Variants in TXNDC9 observed in about 807,000 individuals in gnomAD.
The protein encoded by TXNDC9 is thioredoxin domain containing 9.
A neutral mutation model predicts 23.0 loss-of-function variants in TXNDC9; 7 were observed. The observed-to-expected ratio is 0.30, with a 90% CI of 0.17 to 0.57. TXNDC9 has a LOEUF of 0.57. TXNDC9 is among the 20% of genes least tolerant of loss of function. The probability of loss-of-function intolerance (pLI) is 0.90; values close to 1 mark genes in which losing one functional copy is unlikely to be tolerated. For synonymous variants in TXNDC9, 72 were observed against 90.6 expected (o/e 0.79, Z 1.17); for missense variants, 198 against 252.6 (o/e 0.78, Z 1.47).
intron 3 of TXNDC9, 109 bp from the exon 4 acceptor site, chr2:99,322,318 A>G (rs756279394): frequency 4.2e-6 from 6 of 1,422,660 alleles, no homozygotes; most frequent in Non-Finnish European, 5.6e-6. Flanking sequence ...GTTGACTCTC[A>G]TAACATGGCA....
chr2:99,329,893 G>A (rs1168098897), intron 2 of TXNDC9, among the ~76,000 whole-genome samples: 7 of 152,018 alleles, frequency 4.6e-5, no homozygotes, highest in African/African-American at 1.4e-4. Context: ...CTTGAACTCC[G>A]AAGGCGGAGG....
chr2:99,325,605 ACTATG>A (rs2105322287), intron 3 of TXNDC9, among the ~76,000 whole-genome samples: 1 of 152,350 alleles, frequency 6.6e-6, no homozygotes, highest in Admixed American at 6.5e-5. Context: ...TTGACCACCT[ACTATG>A]CGTCAGGCAG....
At chr2:99,315,131 T>C (rs2094186141), downstream of TXNDC9, among the ~76,000 whole-genome samples, 1 of 146,938 alleles carries the variant, frequency 6.8e-6, no homozygotes, top group African/African-American at 2.5e-5. Context: ...GGCGCGATCT[T>C]GGCTCACTGC....
At position 99,328,302 on chromosome 2, in the gene TXNDC9, A is replaced by G. The variant is rs1421481920; in HGVS notation, c.190-649T>C. ...TTTTGGTAGAGACGGGGTTTTTACT[A>G]TATCGCCCAGGCTGGTGTCAAACTC... On this transcript the variant is annotated intron_variant, in intron 2 of 4. Transcript: ENST00000264255. Among the ~76,000 whole-genome samples the G allele has an allele frequency of 2.7e-5, 4 of 146,838 alleles. No individual in the cohort carries two copies. The South Asian group carries it at 6.4e-4, about 24-fold the overall frequency.
chr2:99,324,345 C>G (rs1288218472), intron 3 of TXNDC9, among the ~76,000 whole-genome samples: 1 of 152,174 alleles, frequency 6.6e-6, no homozygotes, highest in Non-Finnish European at 1.5e-5. Flanking sequence ...TTGGCTCTAA[C>G]ATAAGTTATG....
At position 99,319,665 on chromosome 2, in the gene TXNDC9, C is replaced by T; in HGVS notation, c.*17G>A. The stretch of plus-strand genomic sequence containing the variant: ...GAAGCAGAAAAAAAAAGACAATTTA[C>T]AAAGAATTATTGAGCTCTAATCATC... On this transcript the variant is annotated 3_prime_UTR_variant, in exon 5 of 5. Coordinates refer to ENST00000264255, the MANE Select transcript of TXNDC9 (RefSeq NM_005783.4). 1 of 1,522,562 alleles carries T rather than the reference C, an allele frequency of 6.6e-7. No homozygotes were observed. Among genetic ancestry groups the T allele is most frequent in the African/African-American group, 1.4e-5 (1 of 71,148 alleles). 94.3% of individuals were successfully genotyped at this position (1,522,562 alleles called of 1,614,324 possible).
At chr2:99,319,852 A>G (rs564612811) in intron 4 of TXNDC9, 53 bp from the exon 5 acceptor site, 2 of 1,065,686 alleles carry the variant, frequency 1.9e-6, no homozygotes, top group South Asian at 1.5e-5. Context: ...CTAGTATACT[A>G]AACTGCACAA....
chr2:99,333,527 T>C (rs2094230896), intron 1 of TXNDC9, among the ~76,000 whole-genome samples: 1 of 152,214 alleles, frequency 6.6e-6, no homozygotes. Flanking sequence ...TTTAAGACCA[T>C]CACCAAACCA....
chr2:99,317,595 T>C (rs1333692589), downstream of TXNDC9, among the ~76,000 whole-genome samples: 1 of 152,172 alleles, frequency 6.6e-6, no homozygotes, highest in Non-Finnish European at 1.5e-5. Context: ...TCTTTTGTTA[T>C]CACATCCTAC....
At chr2:99,333,383 G>C in intron 1 of TXNDC9, 141 bp from the exon 2 acceptor site, 1 of 659,362 alleles carries the variant, frequency 1.5e-6, no homozygotes, top group Non-Finnish European at 2.4e-6. Flanking sequence ...TTGATGCTGG[G>C]CTTAACAATT....
chr2:99,316,807 AGT>A (rs1390245746), downstream of TXNDC9, among the ~76,000 whole-genome samples: 4 of 151,858 alleles, frequency 2.6e-5, no homozygotes, highest in African/African-American at 9.7e-5. Flanking sequence ...CCCAGGCTGG[AGT>A]GCAGTGGCGC....
intron 3 of TXNDC9, among the ~76,000 whole-genome samples, chr2:99,324,922 T>G (rs937706495): frequency 6.6e-6 from 1 of 152,212 alleles, no homozygotes; most frequent in Non-Finnish European, 1.5e-5. Context: ...ACTTTTTGTA[T>G]TTTAGTAGAG....
chr2:99,306,823 G>C, the TXNDC9 span: 1 of 454,276 alleles, frequency 2.2e-6, no homozygotes, highest in Non-Finnish European at 4.4e-6. Context: ...ACACAGTCTT[G>C]GCCATTCATT....
rs576524397 is a variant in TXNDC9 at position 99,319,570 on chromosome 2, C to G, written c.*112G>C. Reference sequence around the variant, plus strand: ...TTCGATGTGATACAACTGTATAAAACTCGAGAATATGAGTATTTAGGTGAC... The same window carrying G: ...TTCGATGTGATACAACTGTATAAAAGTCGAGAATATGAGTATTTAGGTGAC... On this transcript the variant is annotated 3_prime_UTR_variant, in exon 5 of 5. Coordinates refer to ENST00000264255, the MANE Select transcript of TXNDC9 (RefSeq NM_005783.4). The G allele has an allele frequency of 4.6e-5, 35 of 767,030 alleles. 1 individual carries two copies. In the South Asian group the frequency reaches 5.5e-4, roughly 12 times the overall value. The allele number at this position is 767,030 out of a possible 1,614,324, so 47.5% of individuals were successfully genotyped here.
chr2:99,306,349 T>C, the TXNDC9 span, among the ~76,000 whole-genome samples: 10 of 152,142 alleles, frequency 6.6e-5, no homozygotes, highest in Non-Finnish European at 1.5e-4. Flanking sequence ...CCAGGAGGTC[T>C]GAAAGGACAA....
At chr2:99,322,683 G>A in intron 3 of TXNDC9, 1 of 1,508,760 alleles carries the variant, frequency 6.6e-7, no homozygotes, top group South Asian at 1.3e-5. Context: ...GCACATTAAG[G>A]CTAAGGGTTA....
Position 99,322,181 on chromosome 2 carries a change from T to C in TXNDC9, c.337A>G (p.Ile113Val). The change falls in exon 4 of 5, where the codon ATA (isoleucine) becomes GTA (valine). Residue 113 changes from isoleucine to valine, a missense_variant. By Grantham distance (29) the Ile-to-Val change is conservative. Transcript: ENST00000264255. ...RCKILDRHLA[I>V]LSKKHLETKF... ...GTCTCGAGGTGTTTCTTGGACAATA[T>C]TGCCAGATGTCTGTCTAGTATTTTA... The C allele has an allele frequency of 1.2e-6, 2 of 1,614,158 alleles. No individual in the cohort carries two copies. The highest frequency in any genetic ancestry group is 1.7e-6 in the Non-Finnish European group (2 of 1,180,006).
intron 2 of TXNDC9, among the ~76,000 whole-genome samples, chr2:99,331,555 TTTTTTAAA>T: frequency 6.6e-6 from 1 of 151,776 alleles, no homozygotes; most frequent in Non-Finnish European, 1.5e-5. Context: ...AAGCAGCCTA[TTTTTTAAA>T]ATACGGTAGG....
chr2:99,334,197 A>G (rs1248875165), intron 1 of TXNDC9, among the ~76,000 whole-genome samples: 1 of 152,152 alleles, frequency 6.6e-6, no homozygotes, highest in Non-Finnish European at 1.5e-5. Context: ...CTAAAAATAG[A>G]AAAATTGGCC....
Sources: gnomAD v4.1 joint callset for allele counts (sites outside exome capture counted in the v4.1 genomes callset) on GRCh38, gnomAD v4.1.1 for gene constraint, MANE v1.5 for transcripts, NCBI Gene and HGNC (gene_info 2026-07-23, HGNC 2026-07-21) for gene names.